The following AGAP1 variants were observed in gnomAD, a reference collection of about 807,000 sequenced individuals.
AGAP1 encodes the protein arf-GAP with GTPase, ANK repeat and PH domain-containing protein 1.
Under a neutral mutation model 105.3 loss-of-function variants are expected in AGAP1, and 29 were observed. The observed-to-expected ratio is 0.28, with a 90% CI of 0.21 to 0.38. The LOEUF (loss-of-function observed/expected upper bound fraction) is 0.38. Among genes scored for constraint, AGAP1 ranks in the 10% least tolerant of loss-of-function variants. The pLI is 1.00. For missense variants in AGAP1, 998 were observed against 1,165.1 expected (o/e 0.86, Z 2.09); for synonymous variants, 509 against 485.9 (o/e 1.05, Z -0.63).
chr2:235,584,871 TGTGTATC>T (rs1004137486), intron 1 of AGAP1, among the ~76,000 whole-genome samples: 22 of 151,536 alleles, frequency 1.5e-4, no homozygotes, highest in Admixed American at 2.0e-4. Flanking sequence ...CATTGGCTAT[TGTGTATC>T]GTGTATCGTG....
intron 15 of AGAP1, among the ~76,000 whole-genome samples, chr2:236,048,503 T>C (rs1199495715): frequency 6.6e-6 from 1 of 152,258 alleles, no homozygotes; most frequent in Non-Finnish European, 1.5e-5. Context: ...ATAAGATCAC[T>C]GAAAACGATA....
chr2:235,885,150 G>T (rs2050211694), intron 10 of AGAP1, among the ~76,000 whole-genome samples: 1 of 152,116 alleles, frequency 6.6e-6, no homozygotes, highest in Non-Finnish European at 1.5e-5. Context: ...ACATTTTAGG[G>T]TGCATACTCC....
Position 236,121,668 on chromosome 2 carries a change from A to T in AGAP1, c.2370+1221A>T, listed in dbSNP as rs566271945. On this transcript the variant is annotated intron_variant, in intron 17 of 17. Transcript: ENST00000304032. The surrounding 1 kb of genome is among the most constrained non-coding windows in gnomAD (Gnocchi z 4.9). ...TATAGACACTACACCAAAATCACAC[A>T]GATACTCCCTTTTGCTCATGAGTCA... 2.0e-4 allele frequency among the ~76,000 whole-genome samples: 30 copies of T among 152,312 alleles called. No homozygotes were observed. In the South Asian group the frequency reaches 6.2e-3, roughly 32 times the overall value.
chr2:235,813,073 C>G (rs1475476127), intron 9 of AGAP1, among the ~76,000 whole-genome samples: 1 of 152,178 alleles, frequency 6.6e-6, no homozygotes, highest in Non-Finnish European at 1.5e-5. Context: ...TTTGACTCCT[C>G]AAATCTCATA....
rs35878915 is a variant in AGAP1, at chr2:235,622,037, T to C, written c.164-87142T>C. Reference sequence around the variant, plus strand: ...CTAACTAGTGGTCAGCTTGCTACTGTCCAACCTAAGCTCATATTCAACACT... The same window carrying C: ...CTAACTAGTGGTCAGCTTGCTACTGCCCAACCTAAGCTCATATTCAACACT... On this transcript the variant is annotated intron_variant, in intron 1 of 17. Transcript: ENST00000304032. The surrounding 1 kb of genome is among the most constrained non-coding windows in gnomAD (Gnocchi z 5.0). Among the ~76,000 whole-genome samples the C allele has an allele frequency of 0.14, 20,814 of 152,238 alleles. 2,013 individuals are homozygous for C. Among genetic ancestry groups the C allele is most frequent in the East Asian group, 0.4 (2,077 of 5,158 alleles).
rs1304391732 is a variant in AGAP1 at position 236,038,057 on chromosome 2, T to G, written c.1800+1342T>G. 6.7e-6 allele frequency among the ~76,000 whole-genome samples: 1 copy of G among 149,862 alleles called. No individual in the cohort carries two copies. The highest frequency in any genetic ancestry group is 1.5e-5 in the Non-Finnish European group (1 of 68,036). ...ACCAGGGTAAACCAGACCACAGTCA[T>G]TATTATTATAATGTAATTTGCTTCC... On this transcript the variant is annotated intron_variant, in intron 14 of 17. Transcript: ENST00000304032. The surrounding 1 kb of genome is among the most constrained non-coding windows in gnomAD (Gnocchi z 4.5).
Position 235,977,001 on chromosome 2 carries a change from C to T in AGAP1, c.1645+8378C>T, listed in dbSNP as rs916570320. Among the ~76,000 whole-genome samples, 3 of 152,178 alleles carry T rather than the reference C, an allele frequency of 2.0e-5. No individual in the cohort carries two copies. The highest frequency in any genetic ancestry group is 6.5e-5 in the Admixed American group (1 of 15,268). The stretch of plus-strand genomic sequence containing the variant: ...AGCATAAACTCACCTTTGAAAAATG[C>T]TGACTACTCACAAGGTCCCTTTCTA... On this transcript the variant is annotated intron_variant, in intron 13 of 17. Coordinates refer to ENST00000304032, the MANE Select transcript of AGAP1 (RefSeq NM_001037131.3). This position sits in a 1 kb window ranked among gnomAD's most constrained non-coding sequence, Gnocchi z 5.2.
intron 9 of AGAP1, among the ~76,000 whole-genome samples, chr2:235,870,604 C>T (rs1299488511): frequency 1.3e-5 from 2 of 149,774 alleles, no homozygotes; most frequent in African/African-American, 2.5e-5. Flanking sequence ...CCAGCCTGGG[C>T]AACAAGAGTG....
chr2:235,820,124 T>C, intron 9 of AGAP1, among the ~76,000 whole-genome samples: 1 of 152,078 alleles, frequency 6.6e-6, no homozygotes, highest in East Asian at 1.9e-4. Context: ...GGTCTTCAAG[T>C]CCCAACCTCA....
chr2:235,875,166 C>CT lies in AGAP1; in HGVS notation c.1051-8175dup, dbSNP rs1395241352. 6.6e-6 allele frequency among the ~76,000 whole-genome samples: 1 copy of CT among 152,190 alleles called. No individual in the cohort carries two copies. Among genetic ancestry groups the CT allele is most frequent in the African/African-American group, 2.4e-5 (1 of 41,448 alleles). On this transcript the variant is annotated intron_variant, in intron 9 of 17. Transcript: ENST00000304032. This position sits in a 1 kb window ranked among gnomAD's most constrained non-coding sequence, Gnocchi z 4.0. ...CAGCCTTGTTTTATAAATGAGGTCACTTTTCAACCTTACTGGTCCATGGCC... is the reference window on the plus strand; with the variant it reads ...CAGCCTTGTTTTATAAATGAGGTCACTTTTTCAACCTTACTGGTCCATGGCC...
intron 4 of AGAP1, among the ~76,000 whole-genome samples, chr2:235,743,683 G>A (rs10185676): frequency 0.021 from 3,259 of 152,280 alleles, 104 homozygotes; most frequent in African/African-American, 0.067. Context: ...AGTTTAACCT[G>A]TTAAAAACTT....
intron 13 of AGAP1, among the ~76,000 whole-genome samples, chr2:235,980,061 T>C (rs2055025495): frequency 6.6e-6 from 1 of 152,194 alleles, no homozygotes; most frequent in Non-Finnish European, 1.5e-5. Flanking sequence ...TTGACAGTAA[T>C]GATCTTATTA....
At chr2:235,818,662 C>T (rs559175794) in intron 9 of AGAP1, among the ~76,000 whole-genome samples, 9 of 152,256 alleles carry the variant, frequency 5.9e-5, no homozygotes, top group South Asian at 4.1e-4. Flanking sequence ...AGGCTGGTCT[C>T]GAACTCCTGA....
intron 9 of AGAP1, among the ~76,000 whole-genome samples, chr2:235,844,137 A>C (rs78756147): frequency 0.052 from 7,845 of 152,258 alleles, 643 homozygotes; most frequent in African/African-American, 0.18. Context: ...TGCCTGTGAG[A>C]GTCCTCGGCT....
In AGAP1 at chr2:235,701,116, C is replaced by T. The variant is rs991251339; in HGVS notation, c.164-8063C>T. Among the ~76,000 whole-genome samples, 32 of 146,110 alleles carry T rather than the reference C, an allele frequency of 2.2e-4. No homozygotes were observed. Among genetic ancestry groups the T allele is most frequent in the African/African-American group, 7.8e-4 (31 of 39,916 alleles). On this transcript the variant is annotated intron_variant, in intron 1 of 17. Coordinates refer to ENST00000304032, the MANE Select transcript of AGAP1 (RefSeq NM_001037131.3). This position sits in a 1 kb window ranked among gnomAD's most constrained non-coding sequence, Gnocchi z 4.1. ...ATACTCTATAATATAGTTATATGTA[C>T]ATATTATATATTATGTATATATGAT...
In AGAP1 at chr2:235,908,844, C is replaced by G; in HGVS notation, c.1262C>G (p.Ser421Cys). 6.2e-7 allele frequency: 1 copy of G among 1,614,172 alleles called. No individual in the cohort carries two copies. Among genetic ancestry groups the G allele is most frequent in the Non-Finnish European group, 8.5e-7 (1 of 1,180,026 alleles). The part of the protein sequence containing the change: ...PRATSACAPI[S>C]SPKTNGLSKD... ...GCCACGTCAGCCTGCGCACCCATCT[C>G]CAGCCCTAAAACCAATGGCCTATCC... Residue 421 changes from serine (S) to cysteine (C), a missense_variant, in exon 11 of 18, where the codon TCC (serine) becomes TGC (cysteine). By Grantham distance (112) the Ser-to-Cys change is moderately radical (BLOSUM62 -1). This residue lies in a region of AGAP1 where 735 missense variants were observed against 833.4 expected (regional missense o/e 0.88). Coordinates refer to ENST00000304032, the MANE Select transcript of AGAP1 (RefSeq NM_001037131.3). The surrounding 1 kb of genome is among the most constrained non-coding windows in gnomAD (Gnocchi z 4.4).
At chr2:235,630,810 G>T (rs1177322587) in intron 1 of AGAP1, among the ~76,000 whole-genome samples, 3 of 152,126 alleles carry the variant, frequency 2.0e-5, no homozygotes, top group Non-Finnish European at 4.4e-5. Context: ...CCATGGCAAC[G>T]CTCAGCCCCG....
chr2:235,593,072 C>A (rs1014730755), intron 1 of AGAP1, among the ~76,000 whole-genome samples: 2 of 152,034 alleles, frequency 1.3e-5, no homozygotes, highest in South Asian at 2.1e-4. Context: ...AGAGATGGCT[C>A]GGAAGTGAGG....
intron 6 of AGAP1, among the ~76,000 whole-genome samples, chr2:235,767,565 G>A (rs536315249): frequency 1.4e-4 from 22 of 152,216 alleles, no homozygotes; most frequent in Non-Finnish European, 2.5e-4. Context: ...GGAGCATGAC[G>A]GGAGTTGATC....
Sources: gnomAD v4.1 joint callset for allele counts (sites outside exome capture counted in the v4.1 genomes callset) on GRCh38, gnomAD v4.1.1 for gene constraint, gnomAD v4.1.1 regional missense constraint, Gnocchi (gnomAD v3.1) non-coding constraint, MANE v1.5 for transcripts, NCBI Gene and HGNC (gene_info 2026-07-23, HGNC 2026-07-21) for gene names.